MDGA2: variants seen among roughly 807,000 people sequenced by gnomAD.
The protein encoded by MDGA2 is MAM domain containing glycosylphosphatidylinositol anchor 2, also known as MAM domain-containing glycosylphosphatidylinositol anchor protein 2.
A neutral mutation model predicts 117.8 loss-of-function variants in MDGA2; 40 were observed. That is an observed-to-expected ratio of 0.34 (90% CI 0.26 to 0.44). MDGA2 has a LOEUF of 0.44. Ranked by LOEUF, MDGA2 falls within the 20% of genes least tolerant of loss-of-function variation. The probability of loss-of-function intolerance (pLI) is 1.00; values close to 1 mark genes in which losing one functional copy is unlikely to be tolerated. For synonymous variants in MDGA2, 452 were observed against 439.0 expected, an observed-to-expected ratio of 1.03 and a Z score of -0.37; for missense variants, 1,123 against 1,250.6, an observed-to-expected ratio of 0.90 and a Z score of 1.54.
intron 3 of MDGA2, among the ~76,000 whole-genome samples, chr14:47,201,874 G>C (rs1885521240): frequency 6.6e-6 from 1 of 152,074 alleles, no homozygotes; most frequent in East Asian, 1.9e-4. Context: ...AATGGGACTT[G>C]TACCTATTTA....
intron 1 of MDGA2, among the ~76,000 whole-genome samples, chr14:47,536,324 T>C (rs1191594018): frequency 1.3e-5 from 2 of 152,198 alleles, no homozygotes; most frequent in Admixed American, 6.5e-5. Context: ...TGGTTGTATA[T>C]TTATAGAGCA....
intron 1 of MDGA2, among the ~76,000 whole-genome samples, chr14:47,529,268 T>C (rs1292302823): frequency 6.6e-6 from 1 of 152,200 alleles, no homozygotes; most frequent in Admixed American, 6.5e-5. Flanking sequence ...GAAAAACTTC[T>C]ATAAATCATA....
chr14:46,854,554 T>C (rs1195903980), intron 15 of MDGA2, among the ~76,000 whole-genome samples: 3 of 151,742 alleles, frequency 2.0e-5, no homozygotes, highest in Admixed American at 6.6e-5. Flanking sequence ...AAATAACTTA[T>C]TTAAAGTCAT....
intron 1 of MDGA2, among the ~76,000 whole-genome samples, chr14:47,640,969 C>T (rs527453306): frequency 1.4e-4 from 21 of 151,958 alleles, no homozygotes; most frequent in African/African-American, 4.3e-4. Flanking sequence ...AACCATTTCC[C>T]GAATAAGCAA....
At chr14:47,046,810 T>C (rs184392989) in intron 7 of MDGA2, among the ~76,000 whole-genome samples, 39 of 152,192 alleles carry the variant, frequency 2.6e-4, no homozygotes, top group African/African-American at 9.4e-4. Context: ...CTACAGTTCT[T>C]ATATTCCATA....
Position 47,421,034 on chromosome 14 carries a change from T to C in MDGA2, c.281-119484A>G, listed in dbSNP as rs1421616697. On this transcript the variant is annotated intron_variant, in intron 1 of 16. Transcript: ENST00000399232. ...ATAGACTTCAGAGCTGAGAATACGATAGGAAGAGTGCCGCTGTTCTTTCCA... is the reference window on the plus strand; with the variant it reads ...ATAGACTTCAGAGCTGAGAATACGACAGGAAGAGTGCCGCTGTTCTTTCCA... Among the ~76,000 whole-genome samples the C allele has an allele frequency of 2.6e-5, 4 of 152,180 alleles. No homozygotes were observed. In the East Asian group the frequency reaches 7.7e-4, roughly 29 times the overall value.
chr14:47,575,531 C>T (rs1896100127), intron 1 of MDGA2, among the ~76,000 whole-genome samples: 1 of 152,150 alleles, frequency 6.6e-6, no homozygotes, highest in Admixed American at 6.6e-5. Context: ...AACATGCTGA[C>T]TATTAATACA....
chr14:47,561,153 G>GTTTTGTTT (rs1895798356), intron 1 of MDGA2, among the ~76,000 whole-genome samples: 1 of 63,908 alleles, frequency 1.6e-5, no homozygotes, highest in East Asian at 1.4e-3. Flanking sequence ...TTTTTTTTTT[G>GTTTTGTTT]TTTTGTTTTG....
intron 8 of MDGA2, among the ~76,000 whole-genome samples, chr14:47,027,657 G>A (rs557507635): frequency 2.0e-5 from 3 of 149,548 alleles, no homozygotes; most frequent in Non-Finnish European, 4.4e-5. Context: ...AATGCACTCA[G>A]TCCTTAAGAG....
At chr14:47,280,796 C>A (rs1888461959) in intron 2 of MDGA2, among the ~76,000 whole-genome samples, 2 of 151,996 alleles carry the variant, frequency 1.3e-5, no homozygotes, top group South Asian at 4.1e-4. Context: ...CCTATCCTCC[C>A]TCTCACCTTT....
chr14:46,898,914 G>C lies in MDGA2; in HGVS notation c.2239-16693C>G, dbSNP rs190356439. Among the ~76,000 whole-genome samples the C allele has an allele frequency of 6.6e-5, 10 of 152,086 alleles. No individual in the cohort carries two copies. In the East Asian group the frequency reaches 1.5e-3, roughly 24 times the overall value. On this transcript the variant is annotated intron_variant, in intron 10 of 16. Coordinates refer to ENST00000399232, the MANE Select transcript of MDGA2 (RefSeq NM_001113498.3). ...GGATAAGCAAAGAAAGTATTTAATT[G>C]TCCACACTGCAGTTATTAATTAAAA...
At chr14:47,055,629 G>A (rs961104587) in intron 7 of MDGA2, among the ~76,000 whole-genome samples, 2 of 152,060 alleles carry the variant, frequency 1.3e-5, no homozygotes, top group African/African-American at 4.8e-5. Flanking sequence ...AAGCCCATGA[G>A]GTTTAGCTTT....
chr14:47,240,147 C>T (rs1486185025), intron 2 of MDGA2, among the ~76,000 whole-genome samples: 1 of 151,624 alleles, frequency 6.6e-6, no homozygotes, highest in African/African-American at 2.4e-5. Context: ...CTGGTTCAAG[C>T]GATTCTCCTG....
At chr14:47,582,366 T>TA (rs1896244733) in intron 1 of MDGA2, among the ~76,000 whole-genome samples, 1 of 151,930 alleles carries the variant, frequency 6.6e-6, no homozygotes, top group East Asian at 1.9e-4. Context: ...ATTCATGTTT[T>TA]AAAAATGTGA....
intron 8 of MDGA2, among the ~76,000 whole-genome samples, chr14:46,967,277 T>A (rs192722656): frequency 3.3e-5 from 5 of 152,256 alleles, no homozygotes; most frequent in Non-Finnish European, 7.4e-5. Context: ...GGAGGAGCAC[T>A]GAGAAATATG....
At chr14:47,460,156 T>C (rs1048705095) in intron 1 of MDGA2, among the ~76,000 whole-genome samples, 10 of 152,194 alleles carry the variant, frequency 6.6e-5, no homozygotes, top group African/African-American at 2.4e-4. Context: ...TCCTAAAAGA[T>C]TTAATTCTCT....
chr14:47,252,749 G>A (rs993158620), intron 2 of MDGA2, among the ~76,000 whole-genome samples: 3 of 152,072 alleles, frequency 2.0e-5, no homozygotes, highest in Non-Finnish European at 2.9e-5. Context: ...GTGAGGAGAA[G>A]GAAAAGGTGA....
At chr14:47,434,960 A>T (rs1566455019) in intron 1 of MDGA2, among the ~76,000 whole-genome samples, 1 of 152,026 alleles carries the variant, frequency 6.6e-6, no homozygotes, top group Non-Finnish European at 1.5e-5. Flanking sequence ...ACATGGGGAA[A>T]ACCTGTCTGT....
At chr14:47,316,824 A>C (rs1889824116) in intron 1 of MDGA2, among the ~76,000 whole-genome samples, 1 of 152,158 alleles carries the variant, frequency 6.6e-6, no homozygotes, top group Non-Finnish European at 1.5e-5. Flanking sequence ...CTGAAATTTC[A>C]ATACCTAAAA....
Sources: allele counts gnomAD v4.1 joint callset (sites outside exome capture counted in the v4.1 genomes callset), GRCh38; gene constraint gnomAD v4.1.1; transcripts MANE v1.5; gene names NCBI Gene and HGNC (gene_info 2026-07-23, HGNC 2026-07-21).